The following SAMD3 variants were observed in gnomAD, a reference collection of about 807,000 sequenced individuals.
SAMD3 encodes sterile alpha motif domain containing 3, also known as sterile alpha motif domain-containing protein 3.
Under a neutral mutation model 58.5 loss-of-function variants are expected in SAMD3, and 63 were observed. The ratio of observed to expected loss-of-function variants is 1.08; its 90% CI spans 0.88 to 1.33. The LOEUF is 1.33. SAMD3 is among the 40% of genes most tolerant of loss of function. The probability of loss-of-function intolerance (pLI) is 0.00; values close to 1 mark genes in which losing one functional copy is unlikely to be tolerated. For synonymous variants in SAMD3, 220 were observed against 210.3 expected, an observed-to-expected ratio of 1.05 and a Z score of -0.40; for missense variants, 604 against 608.4, an observed-to-expected ratio of 0.99 and a Z score of 0.08.
intron 1 of SAMD3, among the ~76,000 whole-genome samples, chr6:130,217,956 G>A (rs138704402): frequency 6.6e-6 from 1 of 152,250 alleles, no homozygotes; most frequent in Non-Finnish European, 1.5e-5. Flanking sequence ...CAGGCCTGGC[G>A]TGTAAAAAAG....
intron 7 of SAMD3, among the ~76,000 whole-genome samples, chr6:130,178,137 G>A (rs1211152283): frequency 1.3e-5 from 2 of 151,442 alleles, no homozygotes; most frequent in African/African-American, 4.8e-5. Flanking sequence ...ACCACAGCCA[G>A]CTAATTTTTT....
chr6:130,178,803 G>A (rs907058718), intron 7 of SAMD3, among the ~76,000 whole-genome samples: 1 of 152,204 alleles, frequency 6.6e-6, no homozygotes, highest in African/African-American at 2.4e-5. Flanking sequence ...AGTGCTGTTT[G>A]TAAAGTCCTT....
chr6:130,265,043 A>C (rs1307814599), intron 2 of SAMD3, among the ~76,000 whole-genome samples: 8 of 152,244 alleles, frequency 5.3e-5, no homozygotes, highest in Non-Finnish European at 1.5e-5. Context: ...ACCTAAACAT[A>C]AAGTACCCCC....
At chr6:130,193,696 T>C (rs1456503495) in intron 5 of SAMD3, among the ~76,000 whole-genome samples, 1 of 152,184 alleles carries the variant, frequency 6.6e-6, no homozygotes, top group Non-Finnish European at 1.5e-5. Context: ...CTTATTTTCT[T>C]CTGCAATGCC....
intron 2 of SAMD3, among the ~76,000 whole-genome samples, chr6:130,274,503 T>C (rs1438602314): frequency 6.6e-6 from 1 of 152,080 alleles, no homozygotes; most frequent in African/African-American, 2.4e-5. Context: ...TGGGCTGCTG[T>C]TTTTTAGGGT....
chr6:130,238,579 G>C (rs1773246801), intron 2 of SAMD3, among the ~76,000 whole-genome samples: 1 of 152,132 alleles, frequency 6.6e-6, no homozygotes, highest in Admixed American at 6.5e-5. Context: ...AAAATACTTG[G>C]TCTAGGAAAT....
At chr6:130,351,397 C>G (rs1488934184) in intron 1 of SAMD3, among the ~76,000 whole-genome samples, 3 of 152,036 alleles carry the variant, frequency 2.0e-5, no homozygotes, top group Non-Finnish European at 4.4e-5. Context: ...ACAAACAACC[C>G]CATCAAAAAG....
intron 1 of SAMD3, among the ~76,000 whole-genome samples, chr6:130,320,661 ACAAT>A (rs1776554801): frequency 6.6e-6 from 1 of 152,268 alleles, no homozygotes; most frequent in South Asian, 2.1e-4. Context: ...TAACAGTGTT[ACAAT>A]CAATGACATA....
At chr6:130,183,978 C>T (rs1442201323) in intron 7 of SAMD3, 125 bp downstream of exon 7, 3 of 732,148 alleles carry the variant, frequency 4.1e-6, no homozygotes, top group Admixed American at 4.2e-5. Flanking sequence ...GATACATAGA[C>T]AGAATGAGAG....
At chr6:130,365,636 C>T, upstream of SAMD3, 2 of 985,408 alleles carry the variant, frequency 2.0e-6, no homozygotes, top group South Asian at 9.4e-5. Flanking sequence ...ACCGGTGGTC[C>T]CGCGGTAGCT....
At chr6:130,232,300 T>A (rs1197148592) in intron 2 of SAMD3, among the ~76,000 whole-genome samples, 1 of 152,122 alleles carries the variant, frequency 6.6e-6, no homozygotes, top group Non-Finnish European at 1.5e-5. Flanking sequence ...CCATTATAGA[T>A]TTTTCAGAGG....
At chr6:130,315,790 A>C (rs908497173) in intron 1 of SAMD3, among the ~76,000 whole-genome samples, 1 of 152,110 alleles carries the variant, frequency 6.6e-6, no homozygotes, top group African/African-American at 2.4e-5. Flanking sequence ...GGTAAACAGT[A>C]ATACATCACG....
intron 1 of SAMD3, among the ~76,000 whole-genome samples, chr6:130,350,891 G>C (rs1199238155): frequency 6.6e-6 from 1 of 151,998 alleles, no homozygotes; most frequent in African/African-American, 2.4e-5. Context: ...TAGACCAATG[G>C]AACAGAACAG....
downstream of SAMD3, chr6:130,142,755 GTCATCCT>G (rs1416994412): frequency 2.0e-5 from 3 of 152,182 alleles, no homozygotes; most frequent in African/African-American, 7.2e-5. Flanking sequence ...AGCTCACCTT[GTCATCCT>G]GTCATGGCCT....
At chr6:130,345,081 T>C (rs1777403464) in intron 1 of SAMD3, among the ~76,000 whole-genome samples, 2 of 152,238 alleles carry the variant, frequency 1.3e-5, no homozygotes, top group Admixed American at 1.3e-4. Context: ...CCTCTTAAGG[T>C]GGGGCAATAA....
At chr6:130,268,802 T>A (rs1432788890) in intron 2 of SAMD3, among the ~76,000 whole-genome samples, 1 of 152,160 alleles carries the variant, frequency 6.6e-6, no homozygotes, top group African/African-American at 2.4e-5. Flanking sequence ...CAAAACCACC[T>A]AAAAACACAT....
At chr6:130,319,950 T>G (rs1776528573) in intron 1 of SAMD3, among the ~76,000 whole-genome samples, 1 of 151,592 alleles carries the variant, frequency 6.6e-6, no homozygotes, top group South Asian at 2.1e-4. Context: ...AGCAGATCAA[T>G]AAAAAGTTTC....
At chr6:130,202,534 T>C (rs1373791036) in intron 5 of SAMD3, among the ~76,000 whole-genome samples, 6 of 152,206 alleles carry the variant, frequency 3.9e-5, no homozygotes, top group Non-Finnish European at 1.5e-5. Context: ...ACATATTGAA[T>C]GAATGGATGA....
chr6:130,315,787 A>T (rs955549582), intron 1 of SAMD3, among the ~76,000 whole-genome samples: 1 of 152,074 alleles, frequency 6.6e-6, no homozygotes. Flanking sequence ...ATTGGTAAAC[A>T]GTAATACATC....
Sources: gnomAD v4.1 joint callset for allele counts (sites outside exome capture counted in the v4.1 genomes callset) on GRCh38, gnomAD v4.1.1 for gene constraint, MANE v1.5 for transcripts, NCBI Gene and HGNC (gene_info 2026-07-23, HGNC 2026-07-21) for gene names.